KIF7: variants seen among roughly 807,000 people sequenced by gnomAD.
The protein encoded by KIF7 is kinesin-like protein KIF7.
A neutral mutation model predicts 135.7 loss-of-function variants in KIF7; 104 were observed. The observed-to-expected ratio is 0.77, with a 90% CI of 0.65 to 0.90. The LOEUF (loss-of-function observed/expected upper bound fraction) is 0.90, where lower values mean the gene tolerates loss of function less well. KIF7 is among the 40% of genes least tolerant of loss of function. The probability of loss-of-function intolerance (pLI) is 0.00; values close to 1 mark genes in which losing one functional copy is unlikely to be tolerated. For synonymous variants in KIF7, 883 were observed against 809.4 expected (o/e 1.09, Z -1.54); for missense variants, 2,005 against 1,839.1 (o/e 1.09, Z -1.65).
chr15:89,624,925 C>A (rs1963490885), downstream of KIF7: 2 of 1,614,132 alleles, frequency 1.2e-6, no homozygotes, highest in South Asian at 2.2e-5. Flanking sequence ...GGCTTCGGCA[C>A]AACTAGACAA....
In KIF7 at chr15:89,647,020, T is replaced by C. The variant is rs1276471321; in HGVS notation, c.1598A>G (p.Glu533Gly). 6.2e-7 allele frequency: 1 copy of C among 1,610,112 alleles called. No homozygotes were observed. Among genetic ancestry groups the C allele is most frequent in the Non-Finnish European group, 8.5e-7 (1 of 1,178,752 alleles). Residue 533 changes from glutamate to glycine, a missense_variant, in exon 7 of 19, where the codon GAA (glutamate) becomes GGA (glycine). Transcript: ENST00000394412. Reference protein sequence around the residue: ...RLREQQEEMVELRLRLELVRP... With the variant: ...RLREQQEEMVGLRLRLELVRP... ...CACCAGCTCTAACCGCAGCCGCAGT[T>C]CCACCATCTCCTCCTGCTGCTCACG...
Position 89,633,788 on chromosome 15 carries a change from G to A in KIF7, c.2490C>T (p.Leu830=). The A allele has an allele frequency of 1.2e-6, 2 of 1,612,058 alleles. No homozygotes were observed. Among genetic ancestry groups the A allele is most frequent in the East Asian group, 2.2e-5 (1 of 44,872 alleles). The change falls in exon 12 of 19, where the codon CTC becomes CTT. Residue 830 remains leucine (L), a synonymous_variant. Coordinates refer to ENST00000394412, the MANE Select transcript of KIF7 (RefSeq NM_198525.3). ...RLQELERNVQ[L]MRQQQGQLQR... ...GCAGCTGTCCCTGCTGCTGCCGCAT[G>A]AGCTGCACGTTCCGCTCGAGCTCCT...
At chr15:89,647,485 C>G (rs1964035886) in intron 6 of KIF7, 111 bp downstream of exon 6, 1 of 939,938 alleles carries the variant, frequency 1.1e-6, no homozygotes, top group African/African-American at 1.6e-5. Flanking sequence ...CTCTACACCC[C>G]TACCCCGCAG....
chr15:89,621,016 C>T (rs746790357), intron 1 of KIF7, among the ~76,000 whole-genome samples: 10 of 134,690 alleles, frequency 7.4e-5, no homozygotes, highest in East Asian at 4.6e-4. Context: ...CCACTGCGCC[C>T]GGCCTTGTTT....
rs751191936 is a variant in KIF7 at position 89,628,580 on chromosome 15, C to T, written c.3871G>A (p.Glu1291Lys). The T allele has an allele frequency of 6.2e-5, 100 of 1,613,544 alleles. No homozygotes were observed. In the Admixed American group the frequency reaches 9.2e-4, roughly 15 times the overall value. Residue 1291 changes from glutamate to lysine, a missense_variant, in exon 19 of 19, where the codon GAG (glutamate) becomes AAG (lysine). Coordinates refer to ENST00000394412, the MANE Select transcript of KIF7 (RefSeq NM_198525.3). ...SLCGEEQGSPEELRQREAAEP... is the reference protein window; with the variant it reads ...SLCGEEQGSPKELRQREAAEP... ...GCCGCCTCCCGCTGCCTCAGTTCCT[C>T]GGGGGACCCCTGCTCCTCACCACAC...
At chr15:89,630,218 G>C (rs1386356120) in intron 16 of KIF7, 69 bp downstream of exon 16, 2 of 1,431,510 alleles carry the variant, frequency 1.4e-6, no homozygotes, top group Non-Finnish European at 2.0e-6. Context: ...CGCTGGAGCA[G>C]CTGCCATGAG....
chr15:89,629,701 C>T, intron 16 of KIF7, 128 bp from the exon 17 acceptor site: 2 of 1,284,318 alleles, frequency 1.6e-6, no homozygotes, highest in Non-Finnish European at 2.2e-6. Context: ...GTCTTCCCTG[C>T]TGAGCCAAGA....
At chr15:89,658,289 A>T (rs1280771833), upstream of KIF7, among the ~76,000 whole-genome samples, 1 of 151,792 alleles carries the variant, frequency 6.6e-6, no homozygotes, top group African/African-American at 2.4e-5. Context: ...CATCTCTACA[A>T]ATAAAAAAAA....
At chr15:89,642,128 T>C (rs1963932446) in intron 11 of KIF7, 75 bp downstream of exon 11, 1 of 1,480,938 alleles carries the variant, frequency 6.8e-7, no homozygotes, top group Non-Finnish European at 9.3e-7. Context: ...AGAGCCCACA[T>C]GTCCTGGTCC....
downstream of KIF7, chr15:89,624,625 G>C: frequency 6.2e-7 from 1 of 1,613,952 alleles, no homozygotes; most frequent in Non-Finnish European, 8.5e-7. Flanking sequence ...TGAAAGACGG[G>C]GCTACCCAGG....
chr15:89,625,903 G>A (rs1263182768), downstream of KIF7: 1 of 1,545,782 alleles, frequency 6.5e-7, no homozygotes, highest in East Asian at 2.2e-5. Flanking sequence ...GGGGGTCTGG[G>A]GACGCTGCTC....
intron 11 of KIF7, among the ~76,000 whole-genome samples, chr15:89,637,261 C>T (rs1963828287): frequency 1.4e-5 from 2 of 139,980 alleles, no homozygotes; most frequent in Admixed American, 7.4e-5. Flanking sequence ...AACATCACAA[C>T]TAAAAGAACT....
At chr15:89,631,818 C>G (rs1963685409) in intron 14 of KIF7, 108 bp from the exon 15 acceptor site, 1 of 935,800 alleles carries the variant, frequency 1.1e-6, no homozygotes, top group African/African-American at 1.7e-5. Context: ...CTCAAGAAAC[C>G]AACACTCCAA....
chr15:89,631,822 A>C, intron 14 of KIF7, 112 bp from the exon 15 acceptor site: 4 of 889,350 alleles, frequency 4.5e-6, no homozygotes, highest in Non-Finnish European at 6.8e-6. Context: ...AGAAACCAAC[A>C]CTCCAAATGT....
intron 1 of KIF7, 56 bp downstream of exon 1, chr15:89,655,343 G>C (rs967870747): frequency 1.3e-5 from 2 of 152,110 alleles, no homozygotes; most frequent in Non-Finnish European, 2.9e-5. Context: ...GGGAGCGCGC[G>C]CCTCCCTCCA....
chr15:89,626,592 G>A (rs775985568), downstream of KIF7, among the ~76,000 whole-genome samples: 13 of 152,122 alleles, frequency 8.5e-5, no homozygotes, highest in Non-Finnish European at 1.8e-4. Context: ...CAAAGGGGGA[G>A]TGCAGGAGGA....
Position 89,648,315 on chromosome 15 carries a change from A to G in KIF7, c.1383T>C (p.Asp461=). 6.6e-7 allele frequency: 1 copy of G among 1,513,132 alleles called. No individual in the cohort carries two copies. The highest frequency in any genetic ancestry group is 1.2e-5 in the South Asian group (1 of 83,120). 93.7% of individuals were successfully genotyped at this position (1,513,132 alleles called of 1,614,324 possible). The change falls in exon 5 of 19, where the codon GAT becomes GAC. Residue 461 remains aspartate, a synonymous_variant. Coordinates refer to ENST00000394412, the MANE Select transcript of KIF7 (RefSeq NM_198525.3). The stretch of plus-strand genomic sequence containing the variant: ...CGACGGAGGCGCTCTCGATGCCGCT[A>G]TCGGGCCCGGAGGCGGAGCTCAGGG... ...RSALSSASGP[D]SGIESASVED...
chr15:89,621,475 C>G, intron 1 of KIF7: 1 of 1,614,136 alleles, frequency 6.2e-7, no homozygotes, highest in African/African-American at 1.3e-5. Context: ...TGATCAGCCC[C>G]TCAGAAAAGG....
intron 15 of KIF7, chr15:89,631,100 G>A (rs907133380): frequency 1.2e-5 from 3 of 254,954 alleles, no homozygotes; most frequent in Non-Finnish European, 1.5e-5. Context: ...ATGTCACACA[G>A]CACATGACTA....
Sources: allele counts gnomAD v4.1 joint callset (sites outside exome capture counted in the v4.1 genomes callset), GRCh38; gene constraint gnomAD v4.1.1; transcripts MANE v1.5; gene names NCBI Gene and HGNC (gene_info 2026-07-23, HGNC 2026-07-21).